PKHD1: variants seen among roughly 807,000 people sequenced by gnomAD.
PKHD1 encodes the protein PKHD1 ciliary IPT domain containing fibrocystin/polyductin.
In PKHD1, 291 loss-of-function variants were observed where a neutral mutation model predicts 412.0. That is an observed-to-expected ratio of 0.71 (90% CI 0.64 to 0.78). PKHD1 has a LOEUF of 0.78. PKHD1 is among the 30% of genes least tolerant of loss of function. The probability of loss-of-function intolerance (pLI) is 0.00; values close to 1 mark genes in which losing one functional copy is unlikely to be tolerated. For missense variants in PKHD1, 4,825 were observed against 4,950.7 expected (o/e 0.97, Z 0.76); for synonymous variants, 1,777 against 1,821.5 (o/e 0.98, Z 0.62).
intron 35 of PKHD1, among the ~76,000 whole-genome samples, chr6:51,973,970 G>A (rs543272684): frequency 1.3e-5 from 2 of 152,262 alleles, no homozygotes; most frequent in East Asian, 3.9e-4. Flanking sequence ...AATTGAATAG[G>A]GGTAGGTCAG....
At chr6:52,045,910 A>G in intron 24 of PKHD1, 94 bp downstream of exon 24, 2 of 866,086 alleles carry the variant, frequency 2.3e-6, no homozygotes, top group Non-Finnish European at 1.9e-6. Flanking sequence ...TTAATAATTC[A>G]TGACAGTTTC....
At chr6:51,824,670 A>C (rs1192814371) in intron 52 of PKHD1, among the ~76,000 whole-genome samples, 1 of 152,158 alleles carries the variant, frequency 6.6e-6, no homozygotes, top group Non-Finnish European at 1.5e-5. Flanking sequence ...CACTTTCTAA[A>C]GAAGGTCAAA....
intron 60 of PKHD1, among the ~76,000 whole-genome samples, chr6:51,688,319 C>A (rs1420229627): frequency 6.6e-6 from 1 of 152,132 alleles, no homozygotes; most frequent in African/African-American, 2.4e-5. Flanking sequence ...CCAAAATTTG[C>A]TATTCTTAAA....
At position 51,642,706 on chromosome 6, in the gene PKHD1, G is replaced by C. The variant is rs1021107818; in HGVS notation, c.11399-3750C>G. Among the ~76,000 whole-genome samples the C allele has an allele frequency of 3.9e-5, 6 of 152,104 alleles. 1 individual carries two copies. Among genetic ancestry groups the C allele is most frequent in the Admixed American group, 2.6e-4 (4 of 15,270 alleles). On this transcript the variant is annotated intron_variant, in intron 63 of 66. Coordinates refer to ENST00000371117, the MANE Select transcript of PKHD1 (RefSeq NM_138694.4). ...AATAGAAAAATTAGCCAGGTGTGGT[G>C]GTGGGCACCTGTAATCCCAGCTACT...
At chr6:51,805,650 G>C (rs987638879) in intron 52 of PKHD1, among the ~76,000 whole-genome samples, 3 of 152,194 alleles carry the variant, frequency 2.0e-5, no homozygotes, top group African/African-American at 7.2e-5. Flanking sequence ...AGCAGATTAG[G>C]AAGACTATGT....
intron 43 of PKHD1, among the ~76,000 whole-genome samples, chr6:51,894,558 G>A (rs1397543092): frequency 6.6e-6 from 1 of 152,252 alleles, no homozygotes; most frequent in African/African-American, 2.4e-5. Flanking sequence ...TGTTGTGGCT[G>A]AGAGTTTGGT....
At chr6:51,799,426 T>C (rs1762574276) in intron 52 of PKHD1, among the ~76,000 whole-genome samples, 1 of 152,166 alleles carries the variant, frequency 6.6e-6, no homozygotes, top group African/African-American at 2.4e-5. Context: ...AAAACAGGTA[T>C]ATATACAAAT....
intron 60 of PKHD1, chr6:51,721,923 C>G: frequency 6.2e-7 from 1 of 1,612,012 alleles, no homozygotes; most frequent in South Asian, 1.1e-5. Flanking sequence ...CCAACCCATT[C>G]TTCACCCTGC....
intron 36 of PKHD1, among the ~76,000 whole-genome samples, chr6:51,956,356 G>A (rs917711481): frequency 6.6e-6 from 1 of 151,798 alleles, no homozygotes; most frequent in African/African-American, 2.4e-5. Context: ...ACTAAGGACA[G>A]TGAAAGTAAA....
At chr6:51,819,232 C>T (rs978022284) in intron 52 of PKHD1, among the ~76,000 whole-genome samples, 1 of 152,028 alleles carries the variant, frequency 6.6e-6, no homozygotes, top group African/African-American at 2.4e-5. Context: ...TATCCCCCTC[C>T]GAAAGTTATA....
intron 3 of PKHD1, 107 bp from the exon 4 acceptor site, chr6:52,082,649 C>A: frequency 9.1e-7 from 1 of 1,100,458 alleles, no homozygotes; most frequent in Non-Finnish European, 1.4e-6. Flanking sequence ...TAAATTTGCC[C>A]AAGGATTAAA....
chr6:51,796,817 ATT>A (rs35774390), intron 52 of PKHD1, among the ~76,000 whole-genome samples: 7 of 136,852 alleles, frequency 5.1e-5, no homozygotes, highest in African/African-American at 1.1e-4. Context: ...TTTTGAATAG[ATT>A]TTTTTTTTTT....
At chr6:51,691,774 T>TA (rs1289612875) in intron 60 of PKHD1, among the ~76,000 whole-genome samples, 3 of 152,130 alleles carry the variant, frequency 2.0e-5, no homozygotes, top group African/African-American at 7.2e-5. Flanking sequence ...TTTACCTATG[T>TA]AAAAAACCTG....
At chr6:51,821,605 T>G (rs1279984934) in intron 52 of PKHD1, among the ~76,000 whole-genome samples, 1 of 152,252 alleles carries the variant, frequency 6.6e-6, no homozygotes, top group Non-Finnish European at 1.5e-5. Flanking sequence ...CTAAGAGTTA[T>G]ACATAATCTC....
At chr6:51,862,352 T>C (rs1290532232) in intron 48 of PKHD1, among the ~76,000 whole-genome samples, 2 of 152,240 alleles carry the variant, frequency 1.3e-5, no homozygotes, top group East Asian at 1.9e-4. Context: ...ATATTGTTGA[T>C]GATATTCCTC....
At chr6:51,962,573 C>A (rs1274641657) in intron 35 of PKHD1, among the ~76,000 whole-genome samples, 1 of 152,062 alleles carries the variant, frequency 6.6e-6, no homozygotes, top group African/African-American at 2.4e-5. Flanking sequence ...ATACTGTTAT[C>A]TCTACTTTCC....
At chr6:51,725,696 T>C (rs1442388072) in intron 60 of PKHD1, among the ~76,000 whole-genome samples, 2 of 152,218 alleles carry the variant, frequency 1.3e-5, no homozygotes, top group Admixed American at 6.5e-5. Flanking sequence ...CAGGTCATTA[T>C]TGCATTAAGA....
intron 50 of PKHD1, among the ~76,000 whole-genome samples, chr6:51,839,566 G>C (rs1769817562): frequency 6.6e-6 from 1 of 152,084 alleles, no homozygotes; most frequent in South Asian, 2.1e-4. Context: ...TGTGATACGA[G>C]GTCCTACCAG....
chr6:51,722,395 T>G (rs1342604043), intron 60 of PKHD1, among the ~76,000 whole-genome samples: 1 of 152,198 alleles, frequency 6.6e-6, no homozygotes, highest in Non-Finnish European at 1.5e-5. Flanking sequence ...AGTTTGCACA[T>G]TAAGAAAAAG....
Sources: gnomAD v4.1 joint callset for allele counts (sites outside exome capture counted in the v4.1 genomes callset) on GRCh38, gnomAD v4.1.1 for gene constraint, MANE v1.5 for transcripts, NCBI Gene and HGNC (gene_info 2026-07-23, HGNC 2026-07-21) for gene names.